Variants in GPR137 observed in about 807,000 individuals in gnomAD.
The protein encoded by GPR137 is integral membrane protein GPR137.
A neutral mutation model predicts 38.9 loss-of-function variants in GPR137; 20 were observed. That is an observed-to-expected ratio of 0.51 (90% confidence interval 0.36 to 0.75). GPR137 has a LOEUF of 0.75. Ranked by LOEUF, GPR137 falls within the 30% of genes least tolerant of loss-of-function variation. The probability of loss-of-function intolerance (pLI) is 0.00; values close to 1 mark genes in which losing one functional copy is unlikely to be tolerated. For missense variants in GPR137, 456 were observed against 526.4 expected, an observed-to-expected ratio of 0.87 and a Z score of 1.31; for synonymous variants, 226 against 235.8, an observed-to-expected ratio of 0.96 and a Z score of 0.38.
Position 64,288,055 on chromosome 11 carries a change from C to G in GPR137, c.634-10C>G. On this transcript the variant is annotated splice_polypyrimidine_tract_variant and intron_variant, in intron 3 of 6. Coordinates refer to ENST00000438980, the MANE Select transcript of GPR137 (RefSeq NM_001170880.2). The surrounding 1 kb of genome is among the most constrained non-coding windows in gnomAD (Gnocchi z 5.5). ...TCTCCCTGAGGGTCCTCTGTTGTTA[C>G]CTGTGCCAGGGGACCAGTGTGTGCC... 6.2e-7 allele frequency: 1 copy of G among 1,609,182 alleles called. No homozygotes were observed. The highest frequency in any genetic ancestry group is 8.5e-7 in the Non-Finnish European group (1 of 1,179,942).
chr11:64,278,234 T>C (rs886427149), intron 2 of GPR137, among the ~76,000 whole-genome samples: 2 of 151,920 alleles, frequency 1.3e-5, no homozygotes, highest in African/African-American at 4.8e-5. Flanking sequence ...TTTGAGGCTT[T>C]ATAAATATAT....
chr11:64,287,531 G>C (rs1383535408), intron 2 of GPR137, 190 bp from the exon 3 acceptor site: 1 of 756,866 alleles, frequency 1.3e-6, no homozygotes, highest in Admixed American at 6.2e-5. Flanking sequence ...TGCACCTTCC[G>C]AAGTACCATG....
intron 2 of GPR137, 185 bp downstream of exon 2, chr11:64,287,199 C>T (rs2034192053): frequency 1.0e-6 from 1 of 985,156 alleles, no homozygotes; most frequent in South Asian, 4.7e-5. Flanking sequence ...ATCTGCAAGG[C>T]ACAGGAATAG....
rs962631166 is a variant in GPR137 at position 64,287,844 on chromosome 11, G to A, written c.531G>A (p.Leu177=). Residue 177 remains leucine, a synonymous_variant, in exon 3 of 7, where the codon CTG becomes CTA. Transcript: ENST00000438980. ...GGGCCCTGCTGCTTGTCCGCGTCCT[G>A]GTGAGCGACTCCCTGTTCGTCATCT... The part of the protein sequence containing the change: ...QPWALLLVRV[L]VSDSLFVICA... 3 of 1,605,762 alleles carry A rather than the reference G, an allele frequency of 1.9e-6. No individual in the cohort carries two copies. Among genetic ancestry groups the A allele is most frequent in the Non-Finnish European group, 2.5e-6 (3 of 1,179,924 alleles).
chr11:64,277,005 A>G (rs1203189221), intron 2 of GPR137: 1 of 720,606 alleles, frequency 1.4e-6, no homozygotes, highest in Admixed American at 2.0e-5. Context: ...GGATTTTCAG[A>G]GTCCTCAGAT....
intron 2 of GPR137, among the ~76,000 whole-genome samples, chr11:64,278,446 C>T (rs548589357): frequency 6.6e-5 from 10 of 150,992 alleles, no homozygotes; most frequent in Middle Eastern, 3.5e-3. Flanking sequence ...TAATAAGAGC[C>T]GCAAACACTT....
At chr11:64,285,626 G>C (rs1004691810), upstream of GPR137, 4 of 984,986 alleles carry the variant, frequency 4.1e-6, no homozygotes, top group African/African-American at 7.0e-5. Context: ...GGGCGGCACG[G>C]GGCACGGCCC....
rs753742674 is a variant in GPR137, at chr11:64,286,638, C to T, written c.114C>T (p.Phe38=). 32 of 1,614,012 alleles carry T rather than the reference C, an allele frequency of 2.0e-5. No individual in the cohort carries two copies. Among genetic ancestry groups the T allele is most frequent in the African/African-American group, 5.3e-5 (4 of 74,922 alleles). The part of the protein sequence containing the change: ...AAYTTLYALL[F]FSVYAQLWLV... ...ACACCACCCTGTATGCCCTGCTCTT[C>T]TTCTCCGTCTATGCCCAGCTCTGGC... Residue 38 remains phenylalanine (F), a synonymous_variant, in exon 1 of 7, where the codon TTC becomes TTT. Coordinates refer to ENST00000438980, the MANE Select transcript of GPR137 (RefSeq NM_001170880.2).
Position 64,289,296 on chromosome 11 carries a change from T to A in GPR137, c.*100T>A. ...CGCTTCTTGCCCAGGATCCTGGGGG[T>A]CGTGGCTACCCCCTCCTCTGGCCGG... On this transcript the variant is annotated 3_prime_UTR_variant, in exon 7 of 7. Transcript: ENST00000438980. The A allele has an allele frequency of 6.2e-7, 1 of 1,607,678 alleles. No individual in the cohort carries two copies. Among genetic ancestry groups the A allele is most frequent in the East Asian group, 2.2e-5 (1 of 44,660 alleles).
chr11:64,270,744 G>T, upstream of GPR137: 1 of 471,628 alleles, frequency 2.1e-6, no homozygotes, highest in Non-Finnish European at 4.2e-6. Context: ...GCAGTGAGCC[G>T]TGATCGCACC....
upstream of GPR137, chr11:64,284,991 TC>T (rs1378584490): frequency 2.3e-6 from 3 of 1,307,782 alleles, no homozygotes; most frequent in South Asian, 3.5e-5. Flanking sequence ...GGCCTTAGTT[TC>T]CCCCCAGTGA....
Position 64,287,709 on chromosome 11 carries a change from C to T in GPR137, c.408-12C>T. On this transcript the variant is annotated splice_polypyrimidine_tract_variant and intron_variant, in intron 2 of 6. Coordinates refer to ENST00000438980, the MANE Select transcript of GPR137 (RefSeq NM_001170880.2). ...CTGTTGAGGGCCCGCGCTGACTGTGCTGTGGCTGCAGGCTCGCTGTCCGAG... is the reference window on the plus strand; with the variant it reads ...CTGTTGAGGGCCCGCGCTGACTGTGTTGTGGCTGCAGGCTCGCTGTCCGAG... 1.2e-6 allele frequency: 2 copies of T among 1,602,878 alleles called. No homozygotes were observed. Among genetic ancestry groups the T allele is most frequent in the Non-Finnish European group, 8.5e-7 (1 of 1,179,812 alleles).
At chr11:64,274,871 G>A (rs1314777959), upstream of GPR137, among the ~76,000 whole-genome samples, 1 of 151,428 alleles carries the variant, frequency 6.6e-6, no homozygotes, top group Non-Finnish European at 1.5e-5. Flanking sequence ...TGTAGTCCCA[G>A]CTACTAGGGA....
exon 1 of GPR137, chr11:64,270,553 G>A (rs942102886): frequency 4.1e-6 from 3 of 725,536 alleles, no homozygotes; most frequent in Non-Finnish European, 4.9e-6. Flanking sequence ...CTCCGTGCCG[G>A]AGACGGGAAG....
In GPR137 at chr11:64,287,788, G is replaced by C. The variant is rs770977118; in HGVS notation, c.475G>C (p.Val159Leu). 1.3e-5 allele frequency: 21 copies of C among 1,607,566 alleles called. No individual in the cohort carries two copies. The highest frequency in any genetic ancestry group is 1.8e-5 in the Non-Finnish European group (21 of 1,179,934). Reference sequence around the variant, plus strand: ...TCTGCTGGTGAACGTGCTGTGTGCTGTGCTCTCCCATCGGCGCCGGGCACA... The same window carrying C: ...TCTGCTGGTGAACGTGCTGTGTGCTCTGCTCTCCCATCGGCGCCGGGCACA... ...LFLLVNVLCA[V>L]LSHRRRAQPW... The change falls in exon 3 of 7, where the codon GTG (valine) becomes CTG (leucine). Residue 159 changes from valine (V) to leucine (L), a missense_variant. Val to Leu is a conservative substitution (Grantham distance 32). Coordinates refer to ENST00000438980, the MANE Select transcript of GPR137 (RefSeq NM_001170880.2).
At chr11:64,281,103 G>T (rs961599407), upstream of GPR137, among the ~76,000 whole-genome samples, 2 of 152,182 alleles carry the variant, frequency 1.3e-5, no homozygotes, top group Non-Finnish European at 2.9e-5. Flanking sequence ...GAGTAGCTGG[G>T]ACTACAGGCG....
At position 64,286,782 on chromosome 11, in the gene GPR137, C is replaced by G. The variant is rs550503718; in HGVS notation, c.258C>G (p.Arg86=). 3 of 1,609,610 alleles carry G rather than the reference C, an allele frequency of 1.9e-6. No individual in the cohort carries two copies. The highest frequency in any genetic ancestry group is 2.5e-6 in the Non-Finnish European group (3 of 1,177,200). The change falls in exon 1 of 7, where the codon CGC becomes CGG. Residue 86 remains arginine (R), a synonymous_variant. Transcript: ENST00000438980. Reference sequence around the variant, plus strand: ...CCTTCTACTTCCGAGATACTCCCCGCGCCAACCGCCTGGGGCCCTTGCCCT... The same window carrying G: ...CCTTCTACTTCCGAGATACTCCCCGGGCCAACCGCCTGGGGCCCTTGCCCT... ...LFSFYFRDTP[R]ANRLGPLPFW...
At chr11:64,285,577 G>C (rs7118199), upstream of GPR137, 947,658 of 984,766 alleles carry the variant, frequency 0.96, 462,532 homozygotes, top group Non-Finnish European at 1. Context: ...ATAGGAGAGA[G>C]GAGCGTGGGA....
upstream of GPR137, among the ~76,000 whole-genome samples, chr11:64,273,922 T>TA (rs1414056999): frequency 2.1e-5 from 3 of 140,504 alleles, no homozygotes; most frequent in Admixed American, 1.4e-4. Flanking sequence ...TATGGCAAGA[T>TA]ATGTCTGTCA....
Sources: gnomAD v4.1 joint callset for allele counts (sites outside exome capture counted in the v4.1 genomes callset) on GRCh38, gnomAD v4.1.1 for gene constraint, Gnocchi (gnomAD v3.1) non-coding constraint, MANE v1.5 for transcripts, NCBI Gene and HGNC (gene_info 2026-07-23, HGNC 2026-07-21) for gene names.